SUMF1: variants seen among roughly 807,000 people sequenced by gnomAD.
SUMF1 encodes the protein formylglycine-generating enzyme.
Under a neutral mutation model 47.6 loss-of-function variants are expected in SUMF1, and 48 were observed. The observed-to-expected ratio is 1.01, with a 90% CI of 0.80 to 1.28. SUMF1 has a LOEUF of 1.28. Among genes scored for constraint, SUMF1 ranks in the 50% most tolerant of loss-of-function variants. The pLI, the probability that SUMF1 is intolerant of heterozygous loss-of-function variation, is 0.00. For synonymous variants in SUMF1, 230 were observed against 192.1 expected, an observed-to-expected ratio of 1.20 and a Z score of -1.63; for missense variants, 571 against 485.4, an observed-to-expected ratio of 1.18 and a Z score of -1.66.
At chr3:4,328,238 T>TA (rs1459929230) in intron 8 of SUMF1, among the ~76,000 whole-genome samples, 15 of 151,814 alleles carry the variant, frequency 9.9e-5, no homozygotes, top group Admixed American at 3.3e-4. Flanking sequence ...AATATAAATT[T>TA]AAAAAATAAA....
At chr3:4,143,229 G>A in intron 8 of SUMF1, among the ~76,000 whole-genome samples, 2 of 152,186 alleles carry the variant, frequency 1.3e-5, no homozygotes, top group East Asian at 1.9e-4. Flanking sequence ...AACAGAAAAT[G>A]CCCATTAAAT....
chr3:4,283,570 T>C (rs937496688), intron 8 of SUMF1, among the ~76,000 whole-genome samples: 1 of 152,190 alleles, frequency 6.6e-6, no homozygotes, highest in African/African-American at 2.4e-5. Flanking sequence ...GAGGGATCAG[T>C]GCATGCCTTA....
chr3:4,082,438 C>T (rs939739037), intron 8 of SUMF1, among the ~76,000 whole-genome samples: 3 of 152,060 alleles, frequency 2.0e-5, no homozygotes, highest in Non-Finnish European at 4.4e-5. Flanking sequence ...CACTGCACTT[C>T]ATCCTGGGCA....
chr3:4,392,872 A>G (rs1341246886), intron 7 of SUMF1, among the ~76,000 whole-genome samples: 1 of 151,634 alleles, frequency 6.6e-6, no homozygotes, highest in Non-Finnish European at 1.5e-5. Flanking sequence ...TTTGTGTTGC[A>G]TACTTGAACA....
intron 8 of SUMF1, among the ~76,000 whole-genome samples, chr3:4,178,853 C>T (rs1462151460): frequency 6.6e-6 from 1 of 152,128 alleles, no homozygotes; most frequent in African/African-American, 2.4e-5. Flanking sequence ...TCTCAGGATA[C>T]AAAATCAATG....
At chr3:4,215,624 T>C (rs1695905175) in intron 8 of SUMF1, among the ~76,000 whole-genome samples, 1 of 152,198 alleles carries the variant, frequency 6.6e-6, no homozygotes. Context: ...GCAGATGACA[T>C]GATTGTATAT....
chr3:4,293,812 C>G lies in SUMF1; in HGVS notation c.1014+82518G>C, dbSNP rs190021783. ...AACATCTCTCAAGCTACATAATGCC[C>G]TTCACTATATAAATCACTATACTTT... On this transcript the variant is annotated intron_variant and NMD_transcript_variant, in intron 8 of 12. Transcript: ENST00000448413. Among the ~76,000 whole-genome samples the G allele has an allele frequency of 2.1e-3, 315 of 152,318 alleles. 3 individuals carry two copies. Among genetic ancestry groups the G allele is most frequent in the Non-Finnish European group, 3.8e-3 (260 of 68,024 alleles).
In SUMF1 at chr3:4,313,580, A is replaced by C. The variant is rs147660545; in HGVS notation, c.1014+62750T>G. The C allele has an allele frequency of 1.5e-5, 24 of 1,613,840 alleles. 1 individual carries two copies. Among genetic ancestry groups the C allele is most frequent in the Non-Finnish European group, 2.0e-5 (24 of 1,179,858 alleles). ...AGTGAAGACAAAGAAAGGCTAGATCATGGGAAACTAAGGAAACCTTGTTAC... is the reference window on the plus strand; with the variant it reads ...AGTGAAGACAAAGAAAGGCTAGATCCTGGGAAACTAAGGAAACCTTGTTAC... On this transcript the variant is annotated intron_variant and NMD_transcript_variant, in intron 8 of 12. Transcript: ENST00000448413.
At chr3:4,154,774 G>A (rs972729250) in intron 8 of SUMF1, among the ~76,000 whole-genome samples, 1 of 151,574 alleles carries the variant, frequency 6.6e-6, no homozygotes, top group Non-Finnish European at 1.5e-5. Flanking sequence ...TCTAAGAACT[G>A]CATTGTAGGA....
At chr3:4,165,719 G>C (rs1469663370) in intron 8 of SUMF1, among the ~76,000 whole-genome samples, 2 of 151,768 alleles carry the variant, frequency 1.3e-5, no homozygotes, top group Non-Finnish European at 2.9e-5. Context: ...CCATGGTGCA[G>C]AAAAAAATGA....
chr3:4,242,608 T>C (rs1054916678), intron 8 of SUMF1, among the ~76,000 whole-genome samples: 3 of 152,342 alleles, frequency 2.0e-5, no homozygotes, highest in Admixed American at 1.3e-4. Context: ...CAGCTTTGCA[T>C]CCCAGGGATA....
At chr3:4,305,971 C>G (rs542509274) in intron 8 of SUMF1, among the ~76,000 whole-genome samples, 1 of 152,198 alleles carries the variant, frequency 6.6e-6, no homozygotes, top group East Asian at 1.9e-4. Context: ...GTCAAAAACA[C>G]TGATTTAAAA....
chr3:4,383,304 G>A lies in SUMF1; in HGVS notation c.955-6915C>T, dbSNP rs559414693. ...TGAGGCAGGAGAATTGCTTGAACCC[G>A]GGAGGCGGAGGCTGCAGTGAGCCAA... On this transcript the variant is annotated intron_variant, in intron 7 of 8. Coordinates refer to ENST00000272902, the MANE Select transcript of SUMF1 (RefSeq NM_182760.4). 7.9e-5 allele frequency among the ~76,000 whole-genome samples: 12 copies of A among 152,196 alleles called. No individual in the cohort carries two copies. The South Asian group carries it at 1.0e-3, about 13-fold the overall frequency.
chr3:4,195,664 C>T (rs17040189), intron 8 of SUMF1, among the ~76,000 whole-genome samples: 4,728 of 152,168 alleles, frequency 0.031, 269 homozygotes, highest in African/African-American at 0.11. Flanking sequence ...TCATGGAGAG[C>T]AGTGCTGAAT....
intron 8 of SUMF1, among the ~76,000 whole-genome samples, chr3:4,338,622 G>C (rs1298058305): frequency 6.6e-6 from 1 of 152,110 alleles, no homozygotes; most frequent in Non-Finnish European, 1.5e-5. Context: ...AGGACGCAAA[G>C]CAATTTTCAT....
intron 8 of SUMF1, among the ~76,000 whole-genome samples, chr3:4,181,679 G>C (rs1486739273): frequency 6.6e-6 from 1 of 151,962 alleles, no homozygotes; most frequent in Non-Finnish European, 1.5e-5. Flanking sequence ...CCTCCCTTAT[G>C]CCCAAGAAAG....
At chr3:4,160,424 G>C (rs1281723770) in intron 8 of SUMF1, among the ~76,000 whole-genome samples, 2 of 152,008 alleles carry the variant, frequency 1.3e-5, no homozygotes, top group Non-Finnish European at 2.9e-5. Flanking sequence ...ATTTTTAGTA[G>C]AGATGGGATT....
intron 8 of SUMF1, among the ~76,000 whole-genome samples, chr3:4,203,919 C>G (rs537481382): frequency 6.6e-6 from 1 of 151,728 alleles, no homozygotes; most frequent in Admixed American, 6.6e-5. Flanking sequence ...TTTGATATCT[C>G]TATCTTATAC....
chr3:4,290,443 G>C (rs527604897), intron 8 of SUMF1, among the ~76,000 whole-genome samples: 2 of 152,194 alleles, frequency 1.3e-5, no homozygotes, highest in Non-Finnish European at 2.9e-5. Context: ...TAATTAAATG[G>C]ACAAAAGGAT....
Sources: gnomAD v4.1 joint callset for allele counts (sites outside exome capture counted in the v4.1 genomes callset) on GRCh38, gnomAD v4.1.1 for gene constraint, MANE v1.5 for transcripts, NCBI Gene and HGNC (gene_info 2026-07-23, HGNC 2026-07-21) for gene names.